PLCXD3: variants seen among roughly 807,000 people sequenced by gnomAD.
The protein encoded by PLCXD3 is PI-PLC X domain-containing protein 3.
Under a neutral mutation model 25.5 loss-of-function variants are expected in PLCXD3, and 19 were observed. The observed-to-expected ratio is 0.75, with a 90% confidence interval of 0.52 to 1.09. The LOEUF is 1.09. Ranked by LOEUF, PLCXD3 falls within the 50% of genes least tolerant of loss-of-function variation. The pLI, the probability that PLCXD3 is intolerant of heterozygous loss-of-function variation, is 0.00. For synonymous variants in PLCXD3, 174 were observed against 137.6 expected (o/e 1.26, Z -1.85); for missense variants, 411 against 388.1 (o/e 1.06, Z -0.50).
chr5:41,508,739 C>G lies in PLCXD3; in HGVS notation c.103+1685G>C, dbSNP rs1738940142. Among the ~76,000 whole-genome samples, 9 of 152,310 alleles carry G rather than the reference C, an allele frequency of 5.9e-5. 2 individuals are homozygous for G. Among genetic ancestry groups the G allele is most frequent in the Admixed American group, 5.9e-4 (9 of 15,310 alleles). ...GTGATTGCCCTTCTTACCTTCTATG[C>G]ATATAAAAACATTCAGGGGAAACCA... On this transcript the variant is annotated intron_variant, in intron 1 of 2. Coordinates refer to ENST00000377801, the MANE Select transcript of PLCXD3 (RefSeq NM_001005473.3).
At chr5:41,346,315 T>C (rs527491626) in intron 2 of PLCXD3, among the ~76,000 whole-genome samples, 2 of 152,232 alleles carry the variant, frequency 1.3e-5, no homozygotes, top group Non-Finnish European at 1.5e-5. Flanking sequence ...TTTGTTAGAA[T>C]TGATAAACTA....
Position 41,381,932 on chromosome 5 carries a change from T to C in PLCXD3, c.706A>G (p.Arg236Gly), listed in dbSNP as rs1745474988. Residue 236 changes from arginine (R) to glycine (G), a missense_variant, in exon 2 of 3, where the codon AGA becomes GGA. Transcript: ENST00000377801. ...ATAAAAAACGATCCCTTCTTTCTTC[T>C]CTCAGTGATGGATGCTTGAAGAAAC... Reference protein sequence around the residue: ...IQFLQASITERRKKGSFFISQ... With the variant: ...IQFLQASITEGRKKGSFFISQ... The C allele has an allele frequency of 6.2e-7, 1 of 1,613,338 alleles. No individual in the cohort carries two copies.
intron 1 of PLCXD3, among the ~76,000 whole-genome samples, chr5:41,406,742 A>G (rs1234300098): frequency 6.6e-6 from 1 of 151,998 alleles, no homozygotes; most frequent in Non-Finnish European, 1.5e-5. Context: ...CTTTCCCTTC[A>G]TCTCAGCTGC....
At position 41,320,791 on chromosome 5, in the gene PLCXD3, C is replaced by T. The variant is rs578112118; in HGVS notation, c.813-7021G>A. 1.0e-3 allele frequency among the ~76,000 whole-genome samples: 158 copies of T among 152,274 alleles called. 1 individual carries two copies. Among genetic ancestry groups the T allele is most frequent in the African/African-American group, 3.4e-3 (141 of 41,564 alleles). Reference sequence around the variant, plus strand: ...GATTACAGGCGTGAGCCACTGCGCCCGGCCACATATCAATTAATGTGATAC... The same window carrying T: ...GATTACAGGCGTGAGCCACTGCGCCTGGCCACATATCAATTAATGTGATAC... On this transcript the variant is annotated intron_variant, in intron 2 of 2. Coordinates refer to ENST00000377801, the MANE Select transcript of PLCXD3 (RefSeq NM_001005473.3).
intron 1 of PLCXD3, among the ~76,000 whole-genome samples, chr5:41,483,193 C>A (rs888832382): frequency 1.3e-5 from 2 of 151,880 alleles, no homozygotes; most frequent in African/African-American, 2.4e-5. Flanking sequence ...AATACAAATC[C>A]CAAATACTTA....
intron 1 of PLCXD3, among the ~76,000 whole-genome samples, chr5:41,437,996 A>G (rs891401441): frequency 6.6e-6 from 1 of 152,302 alleles, no homozygotes; most frequent in Middle Eastern, 3.4e-3. Context: ...AATGCTTATC[A>G]TTGGAATATG....
At chr5:41,496,603 G>A (rs1464190043) in intron 1 of PLCXD3, among the ~76,000 whole-genome samples, 1 of 136,270 alleles carries the variant, frequency 7.3e-6, no homozygotes, top group Non-Finnish European at 1.6e-5. Context: ...TAAACATAAA[G>A]GAAAGGTAAA....
At chr5:41,456,512 A>T (rs1747756675) in intron 1 of PLCXD3, 2 of 879,248 alleles carry the variant, frequency 2.3e-6, no homozygotes, top group South Asian at 1.0e-4. Flanking sequence ...ATGTTGAAAA[A>T]AAAAGAAAAA....
chr5:41,363,379 T>C (rs1011367079), intron 2 of PLCXD3, among the ~76,000 whole-genome samples: 1 of 152,188 alleles, frequency 6.6e-6, no homozygotes, highest in Non-Finnish European at 1.5e-5. Flanking sequence ...AATAATATAT[T>C]TTTTTAAAAA....
intron 2 of PLCXD3, among the ~76,000 whole-genome samples, chr5:41,370,400 T>C (rs184779336): frequency 2.8e-4 from 43 of 152,324 alleles, no homozygotes; most frequent in Non-Finnish European, 5.0e-4. Flanking sequence ...TTAACTTTTT[T>C]ATTGCTGTTG....
rs749287158 is a variant in PLCXD3, at chr5:41,382,346, G to C, written c.292C>G (p.Arg98Gly). 1.2e-6 allele frequency: 2 copies of C among 1,613,450 alleles called. No individual in the cohort carries two copies. Among genetic ancestry groups the C allele is most frequent in the South Asian group, 2.2e-5 (2 of 91,064 alleles). Reference sequence around the variant, plus strand: ...GGGTCTCTGGGCTTGGTGGAAATTCGAAGATCAAAATAACGAATTCCAGCT... The same window carrying C: ...GGGTCTCTGGGCTTGGTGGAAATTCCAAGATCAAAATAACGAATTCCAGCT... The part of the protein sequence containing the change: ...LGAGIRYFDL[R>G]ISTKPRDPDN... Residue 98 changes from arginine (R) to glycine (G), a missense_variant, in exon 2 of 3, where the codon CGA (arginine) becomes GGA (glycine). Transcript: ENST00000377801.
At chr5:41,350,944 C>T (rs1384280871) in intron 2 of PLCXD3, among the ~76,000 whole-genome samples, 1 of 151,792 alleles carries the variant, frequency 6.6e-6, no homozygotes, top group African/African-American at 2.4e-5. Context: ...GAGTAAAAAG[C>T]TCTAAAAAAA....
intron 1 of PLCXD3, among the ~76,000 whole-genome samples, chr5:41,386,786 C>T (rs561223445): frequency 3.3e-5 from 5 of 152,066 alleles, no homozygotes; most frequent in African/African-American, 1.2e-4. Flanking sequence ...TCTGAACAAT[C>T]AGCAGCAACA....
chr5:41,408,894 A>G (rs1746434216), intron 1 of PLCXD3, among the ~76,000 whole-genome samples: 1 of 152,194 alleles, frequency 6.6e-6, no homozygotes, highest in African/African-American at 2.4e-5. Flanking sequence ...AAGATGGGGG[A>G]GGAAAGTGTC....
At chr5:41,339,753 C>T (rs1419621601) in intron 2 of PLCXD3, among the ~76,000 whole-genome samples, 1 of 152,086 alleles carries the variant, frequency 6.6e-6, no homozygotes, top group Non-Finnish European at 1.5e-5. Flanking sequence ...CCTAAAAGAA[C>T]CCTTGCTATA....
chr5:41,430,622 A>G (rs1350756456), intron 1 of PLCXD3, among the ~76,000 whole-genome samples: 2 of 152,120 alleles, frequency 1.3e-5, no homozygotes, highest in African/African-American at 4.8e-5. Context: ...AAAAACCTGG[A>G]AGGGAATTCT....
intron 2 of PLCXD3, among the ~76,000 whole-genome samples, chr5:41,379,177 G>T (rs1745381816): frequency 6.6e-6 from 1 of 152,046 alleles, no homozygotes; most frequent in African/African-American, 2.4e-5. Flanking sequence ...TCAGTTCCCT[G>T]CCAGGCTCCT....
Position 41,382,004 on chromosome 5 carries a change from T to C in PLCXD3, c.634A>G (p.Met212Val), listed in dbSNP as rs1423161865. Residue 212 changes from methionine to valine, a missense_variant, in exon 2 of 3, where the codon ATG becomes GTG. Coordinates refer to ENST00000377801, the MANE Select transcript of PLCXD3 (RefSeq NM_001005473.3). ...GTGGTGTTGGCCCAGGGTGCTGGCA[T>C]CATCTGCCCAGGCCAGAGAAAGGGC... is the stretch of plus-strand genomic sequence containing the variant. ...EVPFLWPGQMMPAPWANTTDP... is the reference protein window; with the variant it reads ...EVPFLWPGQMVPAPWANTTDP... The C allele has an allele frequency of 1.2e-6, 2 of 1,613,538 alleles. No individual in the cohort carries two copies. The highest frequency in any genetic ancestry group is 1.7e-5 in the Admixed American group (1 of 59,906).
rs1177551421 is a variant in PLCXD3, at chr5:41,312,898, C to A, written c.*719G>T. On this transcript the variant is annotated 3_prime_UTR_variant, in exon 3 of 3. Coordinates refer to ENST00000377801, the MANE Select transcript of PLCXD3 (RefSeq NM_001005473.3). ...TTAAAATGCCATACATCTCTTTCAC[C>A]CCTCAACCATTTTTCCCTCTGAAAT... 1 of 152,378 alleles carries A rather than the reference C, an allele frequency of 6.6e-6. No individual in the cohort carries two copies. Among genetic ancestry groups the A allele is most frequent in the Non-Finnish European group, 1.5e-5 (1 of 68,014 alleles). 9.4% of individuals were successfully genotyped at this position (152,378 alleles called of 1,614,324 possible).
Sources: gnomAD v4.1 joint callset for allele counts (sites outside exome capture counted in the v4.1 genomes callset) on GRCh38, gnomAD v4.1.1 for gene constraint, MANE v1.5 for transcripts, NCBI Gene and HGNC (gene_info 2026-07-23, HGNC 2026-07-21) for gene names.